Variants in ARL6 observed in about 807,000 individuals in gnomAD.
ARL6 encodes ADP-ribosylation factor-like protein 6.
ARL6 carries 18 observed loss-of-function variants against 27.1 expected under a neutral mutation model. The observed-to-expected ratio is 0.66, with a 90% confidence interval of 0.46 to 0.98. ARL6 has a LOEUF of 0.98. Ranked by LOEUF, ARL6 falls within the 50% of genes least tolerant of loss-of-function variation. The pLI, the probability that ARL6 is intolerant of heterozygous loss-of-function variation, is 0.00. For missense variants in ARL6, 187 were observed against 214.9 expected, an observed-to-expected ratio of 0.87 and a Z score of 0.81; for synonymous variants, 65 against 72.3, an observed-to-expected ratio of 0.90 and a Z score of 0.51.
At chr3:97,776,674 T>C (rs1576443406) in intron 2 of ARL6, among the ~76,000 whole-genome samples, 1 of 152,030 alleles carries the variant, frequency 6.6e-6, no homozygotes, top group Admixed American at 6.5e-5. Flanking sequence ...TTTTTTTTTT[T>C]GAGACAGGGT....
At chr3:97,777,977 A>G (rs2036992053) in intron 2 of ARL6, among the ~76,000 whole-genome samples, 1 of 152,228 alleles carries the variant, frequency 6.6e-6, no homozygotes, top group Admixed American at 6.5e-5. Context: ...TGGGGACGCT[A>G]GGGAAATGTT....
At chr3:97,767,024 A>G (rs1468958276) in intron 1 of ARL6, among the ~76,000 whole-genome samples, 2 of 152,170 alleles carry the variant, frequency 1.3e-5, no homozygotes, top group African/African-American at 4.8e-5. Flanking sequence ...TTAGATGAAT[A>G]TAAACAGCCA....
chr3:97,791,141 A>G (rs1241211250), intron 6 of ARL6: 1 of 152,236 alleles, frequency 6.6e-6, no homozygotes, highest in African/African-American at 2.4e-5. Flanking sequence ...TAGGTGTTTT[A>G]TATACATACC....
Position 97,785,048 on chromosome 3 carries a change from A to G in ARL6, c.348A>G (p.Pro116=), listed in dbSNP as rs2108053948. ...AACTCGATACTCTTCTGAATCATCC[A>G]GGTATGTGTGTGTCTTTCAGTCTGT... ...KEELDTLLNH[P]DIKHRRIPIL... The change falls in exon 5 of 8, where the codon CCA becomes CCG. Residue 116 remains proline, a splice_region_variant and synonymous_variant. Coordinates refer to ENST00000463745, the MANE Select transcript of ARL6 (RefSeq NM_001278293.3). 6.2e-7 allele frequency: 1 copy of G among 1,610,980 alleles called. No homozygotes were observed. Among genetic ancestry groups the G allele is most frequent in the Non-Finnish European group, 8.5e-7 (1 of 1,177,466 alleles).
intron 2 of ARL6, among the ~76,000 whole-genome samples, chr3:97,775,168 T>C (rs2036830768): frequency 6.6e-6 from 1 of 152,168 alleles, no homozygotes; most frequent in South Asian, 2.1e-4. Context: ...CCATCCTTAA[T>C]ATTCTGTTCC....
chr3:97,773,805 C>T (rs952475878), intron 2 of ARL6, among the ~76,000 whole-genome samples: 7 of 152,212 alleles, frequency 4.6e-5, no homozygotes, highest in Admixed American at 1.3e-4. Context: ...GTCATGTGGT[C>T]ACAGCTGGTA....
intron 1 of ARL6, among the ~76,000 whole-genome samples, chr3:97,765,393 C>T (rs1011586824): frequency 6.6e-6 from 1 of 152,150 alleles, no homozygotes; most frequent in African/African-American, 2.4e-5. Flanking sequence ...CTCTGGGCTA[C>T]CACTCTGTCT....
intron 2 of ARL6, among the ~76,000 whole-genome samples, chr3:97,773,084 G>T (rs2036718611): frequency 6.6e-6 from 1 of 152,136 alleles, no homozygotes; most frequent in South Asian, 2.1e-4. Flanking sequence ...CTATAAAGGG[G>T]AGTTTCTTAA....
At chr3:97,788,911 T>C (rs2037590717) in intron 6 of ARL6, among the ~76,000 whole-genome samples, 2 of 152,094 alleles carry the variant, frequency 1.3e-5, no homozygotes, top group South Asian at 4.1e-4. Context: ...CACCTACCTC[T>C]CTCTGCTGTA....
chr3:97,788,175 G>C, intron 6 of ARL6, 56 bp downstream of exon 6: 1 of 1,564,464 alleles, frequency 6.4e-7, no homozygotes, highest in Non-Finnish European at 8.8e-7. Flanking sequence ...ACAAGCTTCA[G>C]AGTTGTTTCT....
At chr3:97,780,287 C>T (rs1287315946) in intron 3 of ARL6, 67 bp downstream of exon 3, 1 of 1,211,316 alleles carries the variant, frequency 8.3e-7, no homozygotes, top group African/African-American at 1.5e-5. Context: ...TCTACCTGGT[C>T]ATTCTTCCTA....
chr3:97,764,841 C>G lies in ARL6; in HGVS notation c.-164C>G, dbSNP rs896944104. 3.3e-5 allele frequency: 5 copies of G among 152,270 alleles called. No homozygotes were observed. The highest frequency in any genetic ancestry group is 3.3e-4 in the Admixed American group (5 of 15,276). The allele number at this position is 152,270 out of a possible 1,614,324, so 9.4% of individuals were successfully genotyped here. On this transcript the variant is annotated 5_prime_UTR_variant, in exon 1 of 8. The change creates a premature stop within an existing upstream ORF in the 5' untranslated region. Transcript: ENST00000463745. ...CTTCTAGAGACGGCTTTGCTCATTA[C>G]CAGGCATCCTTCCCATGTAGGCATC... is the stretch of plus-strand genomic sequence containing the variant.
chr3:97,795,206 A>T (rs2037942517), intron 7 of ARL6, among the ~76,000 whole-genome samples: 1 of 152,260 alleles, frequency 6.6e-6, no homozygotes, highest in Admixed American at 6.5e-5. Context: ...CCCAAAGACA[A>T]GAACACTGAA....
intron 7 of ARL6, among the ~76,000 whole-genome samples, chr3:97,797,306 A>G (rs991388102): frequency 6.6e-6 from 1 of 152,186 alleles, no homozygotes; most frequent in Non-Finnish European, 1.5e-5. Context: ...AAGTACATAC[A>G]ATTAAATAGA....
intron 2 of ARL6, among the ~76,000 whole-genome samples, chr3:97,770,738 C>G (rs1444367241): frequency 6.6e-6 from 1 of 152,062 alleles, no homozygotes; most frequent in Non-Finnish European, 1.5e-5. Context: ...TTTCAGTCTT[C>G]TACATGTGTT....
At chr3:97,767,309 TAGG>T (rs1486380826) in intron 1 of ARL6, among the ~76,000 whole-genome samples, 3 of 152,112 alleles carry the variant, frequency 2.0e-5, no homozygotes, top group East Asian at 1.9e-4. Flanking sequence ...AAATAGCACT[TAGG>T]AGGATGTTTC....
chr3:97,777,269 T>C (rs1325684479), intron 2 of ARL6, among the ~76,000 whole-genome samples: 1 of 152,186 alleles, frequency 6.6e-6, no homozygotes, highest in African/African-American at 2.4e-5. Flanking sequence ...CCTGTTTATG[T>C]TGGTGTATCC....
intron 2 of ARL6, among the ~76,000 whole-genome samples, chr3:97,769,447 A>C (rs1278732458): frequency 6.6e-6 from 1 of 152,074 alleles, no homozygotes; most frequent in East Asian, 1.9e-4. Flanking sequence ...TAGGGGTTAC[A>C]TGTGATAGTT....
intron 7 of ARL6, among the ~76,000 whole-genome samples, chr3:97,794,534 G>T (rs537052042): frequency 6.6e-6 from 1 of 151,950 alleles, no homozygotes; most frequent in South Asian, 2.1e-4. Flanking sequence ...TATTTTCTGT[G>T]TAATAACAAA....
Sources: gnomAD v4.1 joint callset for allele counts (sites outside exome capture counted in the v4.1 genomes callset) on GRCh38, gnomAD v4.1.1 for gene constraint, MANE v1.5 for transcripts, NCBI Gene and HGNC (gene_info 2026-07-23, HGNC 2026-07-21) for gene names.